NSG2: variants seen among roughly 807,000 people sequenced by gnomAD.
NSG2 encodes the protein neuronal vesicle trafficking associated 2, also known as neuronal vesicle trafficking-associated protein 2.
A neutral mutation model predicts 16.9 loss-of-function variants in NSG2; 4 were observed. The ratio of observed to expected loss-of-function variants is 0.24; its 90% CI spans 0.12 to 0.54. The LOEUF is 0.54. Among genes scored for constraint, NSG2 ranks in the 20% least tolerant of loss-of-function variants. The probability of loss-of-function intolerance (pLI) is 0.95; values close to 1 mark genes in which losing one functional copy is unlikely to be tolerated. For synonymous variants in NSG2, 98 were observed against 88.7 expected, an observed-to-expected ratio of 1.11 and a Z score of -0.59; for missense variants, 179 against 221.1, an observed-to-expected ratio of 0.81 and a Z score of 1.21.
intron 2 of NSG2, among the ~76,000 whole-genome samples, chr5:174,049,426 T>C (rs1759852570): frequency 6.8e-6 from 1 of 147,548 alleles, no homozygotes; most frequent in Non-Finnish European, 1.5e-5. Flanking sequence ...AATTCTAAGC[T>C]ATATGTGCAC....
intron 2 of NSG2, among the ~76,000 whole-genome samples, chr5:174,062,385 T>C (rs1423729373): frequency 2.0e-5 from 3 of 152,180 alleles, no homozygotes; most frequent in African/African-American, 7.2e-5. Flanking sequence ...ATATAGTAAA[T>C]GCACAAAGTA....
intron 3 of NSG2, among the ~76,000 whole-genome samples, chr5:174,067,415 AG>A (rs1336727471): frequency 6.6e-6 from 1 of 152,160 alleles, no homozygotes; most frequent in African/African-American, 2.4e-5. Context: ...TAAGAGAAAA[AG>A]GGTGCTGGGT....
At chr5:174,090,031 C>T (rs1277068778) in intron 3 of NSG2, among the ~76,000 whole-genome samples, 2 of 152,078 alleles carry the variant, frequency 1.3e-5, no homozygotes, top group African/African-American at 2.4e-5. Flanking sequence ...AAGCATAGCT[C>T]GTTACAAGTT....
At chr5:174,064,337 TAGAA>T (rs1561663967) in intron 3 of NSG2, 22 bp downstream of exon 3, 2 of 1,584,786 alleles carry the variant, frequency 1.3e-6, no homozygotes, top group Non-Finnish European at 1.7e-6. Flanking sequence ...GATGGTGTAA[TAGAA>T]AGAGTAAAGG....
At chr5:174,105,718 T>G (rs146631251) in intron 4 of NSG2, among the ~76,000 whole-genome samples, 2,135 of 152,290 alleles carry the variant, frequency 0.014, 25 homozygotes, top group Non-Finnish European at 0.02. Flanking sequence ...CTGACCAACG[T>G]GGAGAAACCC....
At chr5:174,066,694 TA>T (rs201020960) in intron 3 of NSG2, among the ~76,000 whole-genome samples, 30 of 151,214 alleles carry the variant, frequency 2.0e-4, no homozygotes, top group African/African-American at 6.5e-4. Flanking sequence ...TGTGCTTTTT[TA>T]AAAAAAAACA....
At chr5:174,084,703 C>T (rs1760567612) in intron 3 of NSG2, among the ~76,000 whole-genome samples, 1 of 152,256 alleles carries the variant, frequency 6.6e-6, no homozygotes, top group Non-Finnish European at 1.5e-5. Flanking sequence ...TGACGCCCCA[C>T]CCTCGGTTGT....
intron 3 of NSG2, among the ~76,000 whole-genome samples, chr5:174,083,741 C>G (rs971695596): frequency 7.2e-5 from 11 of 152,180 alleles, no homozygotes; most frequent in African/African-American, 2.7e-4. Flanking sequence ...GGAGGGAGAA[C>G]AAAAGACCGC....
At chr5:174,052,519 G>A (rs1250548416) in intron 2 of NSG2, among the ~76,000 whole-genome samples, 1 of 152,176 alleles carries the variant, frequency 6.6e-6, no homozygotes, top group African/African-American at 2.4e-5. Flanking sequence ...TCTCTACTTG[G>A]TAGCTGAGGA....
At chr5:174,086,159 C>G (rs1019567655) in intron 3 of NSG2, among the ~76,000 whole-genome samples, 23 of 152,286 alleles carry the variant, frequency 1.5e-4, no homozygotes, top group African/African-American at 5.3e-4. Context: ...CCTGGCTCAG[C>G]CCCAGACAAG....
chr5:174,104,807 C>T (rs1041470931), intron 4 of NSG2, among the ~76,000 whole-genome samples: 6 of 152,162 alleles, frequency 3.9e-5, no homozygotes, highest in South Asian at 2.1e-4. Context: ...TCTGAAAGAA[C>T]GGAACCTGCT....
At chr5:174,087,574 G>GT (rs1031405254) in intron 3 of NSG2, among the ~76,000 whole-genome samples, 4 of 151,940 alleles carry the variant, frequency 2.6e-5, no homozygotes, top group African/African-American at 9.7e-5. Flanking sequence ...GAAGCCAAGA[G>GT]TTTGAGACCA....
chr5:174,093,047 G>A (rs1198046964), intron 3 of NSG2, among the ~76,000 whole-genome samples: 3 of 152,124 alleles, frequency 2.0e-5, no homozygotes, highest in South Asian at 2.1e-4. Flanking sequence ...TAATGTTATT[G>A]TAGGTTTATA....
chr5:174,050,513 A>G (rs1759870433), intron 2 of NSG2, among the ~76,000 whole-genome samples: 1 of 152,174 alleles, frequency 6.6e-6, no homozygotes. Context: ...TCAGGACAAT[A>G]TAGTGGCCTG....
intron 3 of NSG2, among the ~76,000 whole-genome samples, chr5:174,074,587 A>C (rs566727787): frequency 6.6e-6 from 1 of 152,222 alleles, no homozygotes; most frequent in East Asian, 1.9e-4. Context: ...CTGCTTGAGA[A>C]ATCTGCGATA....
intron 3 of NSG2, among the ~76,000 whole-genome samples, chr5:174,085,014 C>G (rs1336668219): frequency 6.6e-6 from 1 of 152,178 alleles, no homozygotes; most frequent in Non-Finnish European, 1.5e-5. Flanking sequence ...AGTCTGATTT[C>G]TGCTCTGATC....
At chr5:174,052,682 C>T (rs1328470935) in intron 2 of NSG2, among the ~76,000 whole-genome samples, 1 of 152,216 alleles carries the variant, frequency 6.6e-6, no homozygotes, top group Non-Finnish European at 1.5e-5. Flanking sequence ...CCAGGTGTCC[C>T]CACAAGCCCT....
At chr5:174,047,137 G>GT (rs1387266868) in intron 2 of NSG2, among the ~76,000 whole-genome samples, 5 of 152,056 alleles carry the variant, frequency 3.3e-5, no homozygotes, top group Admixed American at 1.3e-4. Flanking sequence ...CCTTGTTAAA[G>GT]TTTTCTTACA....
At chr5:174,074,452 G>A (rs1475128866) in intron 3 of NSG2, among the ~76,000 whole-genome samples, 2 of 152,070 alleles carry the variant, frequency 1.3e-5, no homozygotes, top group Non-Finnish European at 2.9e-5. Context: ...CCCAGGTGAC[G>A]CTGCCGTAGC....
Sources: allele counts gnomAD v4.1 joint callset (sites outside exome capture counted in the v4.1 genomes callset), GRCh38; gene constraint gnomAD v4.1.1; transcripts MANE v1.5; gene names NCBI Gene and HGNC (gene_info 2026-07-23, HGNC 2026-07-21).